TMEM132B: variants seen among roughly 807,000 people sequenced by gnomAD.
The protein encoded by TMEM132B is transmembrane protein 132B.
In TMEM132B, 18 loss-of-function variants were observed where a neutral mutation model predicts 90.8. The observed-to-expected ratio is 0.20, with a 90% CI of 0.14 to 0.29. The LOEUF (loss-of-function observed/expected upper bound fraction) is 0.29, where lower values mean the gene tolerates loss of function less well. Ranked by LOEUF, TMEM132B falls within the 10% of genes least tolerant of loss-of-function variation. The pLI is 1.00. For synonymous variants in TMEM132B, 504 were observed against 523.3 expected (o/e 0.96, Z 0.50); for missense variants, 1,096 against 1,326.8 (o/e 0.83, Z 2.70).
chr12:125,546,427 C>T lies in TMEM132B; in HGVS notation c.1293+26802C>T, dbSNP rs549279527. Among the ~76,000 whole-genome samples, 4 of 152,334 alleles carry T rather than the reference C, an allele frequency of 2.6e-5. No individual in the cohort carries two copies. The South Asian group carries it at 8.3e-4, about 32-fold the overall frequency. On this transcript the variant is annotated intron_variant, in intron 4 of 8. Transcript: ENST00000682704. ...TCCATCTCCTCACCTAGTGATCCAC[C>T]TGTCTTGGCCTCCCAAAGTGCTGGG...
At chr12:125,334,616 CCT>C (rs1184911070) in intron 1 of TMEM132B, among the ~76,000 whole-genome samples, 2 of 152,126 alleles carry the variant, frequency 1.3e-5, no homozygotes, top group African/African-American at 4.8e-5. Context: ...TGTCAGTGCC[CCT>C]GTTTAGTTGT....
At chr12:125,372,494 T>C (rs1878327857) in intron 2 of TMEM132B, among the ~76,000 whole-genome samples, 1 of 152,208 alleles carries the variant, frequency 6.6e-6, no homozygotes, top group Non-Finnish European at 1.5e-5. Flanking sequence ...CCCTATTGGG[T>C]TTAGCCAAAG....
At chr12:125,261,135 C>T (rs568816784) in intron 1 of TMEM132B, among the ~76,000 whole-genome samples, 2 of 152,242 alleles carry the variant, frequency 1.3e-5, no homozygotes, top group Admixed American at 6.5e-5. Flanking sequence ...CTTGTCTTCC[C>T]GGTGAGAAGT....
intron 1 of TMEM132B, among the ~76,000 whole-genome samples, chr12:125,311,962 C>T (rs182301029): frequency 2.0e-5 from 3 of 152,308 alleles, no homozygotes; most frequent in South Asian, 4.2e-4. Context: ...AGGAGTGAAG[C>T]AGGTGCTCAT....
intron 3 of TMEM132B, among the ~76,000 whole-genome samples, chr12:125,470,889 C>T (rs948020336): frequency 6.6e-6 from 1 of 152,226 alleles, no homozygotes; most frequent in East Asian, 1.9e-4. Flanking sequence ...TGCACTGCCA[C>T]AAGCGCTCAT....
At position 125,546,110 on chromosome 12, in the gene TMEM132B, A is replaced by G. The variant is rs78962951; in HGVS notation, c.1293+26485A>G. On this transcript the variant is annotated intron_variant, in intron 4 of 8. Transcript: ENST00000682704. The stretch of plus-strand genomic sequence containing the variant: ...CATACCCATCACCTCCCAAGTTCCC[A>G]CATATATATAATGTATACATCTTTT... 2.3e-3 allele frequency among the ~76,000 whole-genome samples: 346 copies of G among 152,264 alleles called. 1 individual carries two copies. The highest frequency in any genetic ancestry group is 7.9e-3 in the African/African-American group (328 of 41,538).
At position 125,417,104 on chromosome 12, in the gene TMEM132B, A is replaced by G. The variant is rs148594747; in HGVS notation, c.1106+1427A>G. On this transcript the variant is annotated intron_variant, in intron 3 of 8. Coordinates refer to ENST00000682704, the MANE Select transcript of TMEM132B (RefSeq NM_001366854.1). ...GTGTTTTCTGTCTTCCCACTCCAGT[A>G]TACCCAGTGCCCTGATTGTCACTCT... Among the ~76,000 whole-genome samples the G allele has an allele frequency of 2.7e-3, 405 of 152,238 alleles. 1 individual carries two copies. Among genetic ancestry groups the G allele is most frequent in the African/African-American group, 9.4e-3 (391 of 41,538 alleles).
intron 3 of TMEM132B, among the ~76,000 whole-genome samples, chr12:125,488,380 G>T (rs1029779483): frequency 6.6e-6 from 1 of 152,140 alleles, no homozygotes. Context: ...GTATGGTTTT[G>T]CTGTGTCCTT....
chr12:125,248,637 A>G (rs1476605829), intron 1 of TMEM132B, among the ~76,000 whole-genome samples: 3 of 152,232 alleles, frequency 2.0e-5, no homozygotes, highest in African/African-American at 7.2e-5. Flanking sequence ...TGTTCCACTT[A>G]AAGGCAGAAG....
intron 1 of TMEM132B, among the ~76,000 whole-genome samples, chr12:125,285,505 C>T (rs1320972527): frequency 6.6e-6 from 1 of 152,208 alleles, no homozygotes; most frequent in African/African-American, 2.4e-5. Flanking sequence ...GGCATCCATC[C>T]AGCGCTGGAC....
intron 3 of TMEM132B, among the ~76,000 whole-genome samples, chr12:125,518,990 G>A (rs990464223): frequency 1.3e-5 from 2 of 152,146 alleles, no homozygotes; most frequent in African/African-American, 4.8e-5. Flanking sequence ...TTTAACAACT[G>A]GTCTACAGAC....
chr12:125,307,401 T>C (rs1307875549), intron 1 of TMEM132B, among the ~76,000 whole-genome samples: 1 of 152,166 alleles, frequency 6.6e-6, no homozygotes, highest in East Asian at 1.9e-4. Flanking sequence ...TTCTTTTTGA[T>C]TTAAGTGATT....
At chr12:125,258,261 C>A (rs1593058650) in intron 1 of TMEM132B, among the ~76,000 whole-genome samples, 1 of 152,298 alleles carries the variant, frequency 6.6e-6, no homozygotes, top group African/African-American at 2.4e-5. Flanking sequence ...TAGTGTCTTA[C>A]AACCACCATT....
In TMEM132B at chr12:125,520,929, C is replaced by T. The variant is rs1448784763; in HGVS notation, c.1293+1304C>T. 2.0e-5 allele frequency among the ~76,000 whole-genome samples: 3 copies of T among 152,196 alleles called. No individual in the cohort carries two copies. In the East Asian group the frequency reaches 5.8e-4, roughly 29 times the overall value. Reference sequence around the variant, plus strand: ...GAAGATTAGACTGACGGAGATCATTCCTATCATCATTGACCCACATTGTGG... The same window carrying T: ...GAAGATTAGACTGACGGAGATCATTTCTATCATCATTGACCCACATTGTGG... On this transcript the variant is annotated intron_variant, in intron 4 of 8. Coordinates refer to ENST00000682704, the MANE Select transcript of TMEM132B (RefSeq NM_001366854.1).
intron 5 of TMEM132B, among the ~76,000 whole-genome samples, chr12:125,608,014 A>G (rs1457011950): frequency 1.3e-5 from 2 of 152,184 alleles, no homozygotes; most frequent in African/African-American, 2.4e-5. Context: ...GGTTGATTTC[A>G]CTTTTTGAGT....
At chr12:125,249,752 A>G (rs943598753) in intron 1 of TMEM132B, among the ~76,000 whole-genome samples, 1 of 152,240 alleles carries the variant, frequency 6.6e-6, no homozygotes, top group African/African-American at 2.4e-5. Context: ...TGATTAGATG[A>G]AGGGATCTGT....
intron 1 of TMEM132B, among the ~76,000 whole-genome samples, chr12:125,290,912 A>C (rs1875519613): frequency 1.3e-5 from 2 of 152,214 alleles, no homozygotes; most frequent in African/African-American, 2.4e-5. Flanking sequence ...GATATGAGGA[A>C]TATCGCTCCT....
At chr12:125,439,968 AT>A (rs1880821771) in intron 3 of TMEM132B, among the ~76,000 whole-genome samples, 1 of 152,212 alleles carries the variant, frequency 6.6e-6, no homozygotes, top group African/African-American at 2.4e-5. Context: ...GATGAATCAC[AT>A]TTATTGATTT....
At chr12:125,432,366 AATATATATATAT>A (rs749081900) in intron 3 of TMEM132B, among the ~76,000 whole-genome samples, 495 of 11,916 alleles carry the variant, frequency 0.042, 118 homozygotes, top group Non-Finnish European at 0.072. Context: ...GAATTCCTTG[AATATATATATAT>A]ATATATATAT....
Sources: gnomAD v4.1 joint callset for allele counts (sites outside exome capture counted in the v4.1 genomes callset) on GRCh38, gnomAD v4.1.1 for gene constraint, MANE v1.5 for transcripts, NCBI Gene and HGNC (gene_info 2026-07-23, HGNC 2026-07-21) for gene names.